The following RHOU variants were observed in gnomAD, a reference collection of about 807,000 sequenced individuals.
The protein encoded by RHOU is rho-related GTP-binding protein RhoU.
RHOU carries 8 observed loss-of-function variants against 12.6 expected under a neutral mutation model. The observed-to-expected ratio is 0.64, with a 90% CI of 0.37 to 1.15. RHOU has a LOEUF of 1.15. RHOU is among the 50% of genes most tolerant of loss of function. The probability of loss-of-function intolerance (pLI) is 0.01; values close to 1 mark genes in which losing one functional copy is unlikely to be tolerated. For synonymous variants in RHOU, 161 were observed against 147.4 expected (o/e 1.09, Z -0.67); for missense variants, 258 against 347.0 (o/e 0.74, Z 2.04).
At chr1:228,687,774 G>T in the RHOU span, 15 of 1,366,380 alleles carry the variant, frequency 1.1e-5, no homozygotes, top group Non-Finnish European at 1.4e-5. Context: ...ATCTGGCTCG[G>T]CGGAATACCT....
At chr1:228,716,364 C>T in the RHOU span, among the ~76,000 whole-genome samples, 1 of 152,160 alleles carries the variant, frequency 6.6e-6, no homozygotes, top group Non-Finnish European at 1.5e-5. Flanking sequence ...TCTTATCTTT[C>T]TCATAATTAA....
At chr1:228,649,984 C>G in the RHOU span, among the ~76,000 whole-genome samples, 1 of 152,196 alleles carries the variant, frequency 6.6e-6, no homozygotes. Context: ...TTATAATAAA[C>G]TTTCATCAGA....
chr1:228,689,999 T>A, the RHOU span, among the ~76,000 whole-genome samples: 66 of 151,696 alleles, frequency 4.4e-4, no homozygotes, highest in African/African-American at 1.6e-3. Context: ...AACCGGAATT[T>A]AAAAAAAATG....
intron 2 of RHOU, among the ~76,000 whole-genome samples, chr1:228,739,330 C>T (rs556730319): frequency 6.6e-6 from 1 of 152,206 alleles, no homozygotes; most frequent in South Asian, 2.1e-4. Context: ...CTTTGGGAGG[C>T]TGAGACGGGT....
At chr1:228,718,441 T>C in the RHOU span, among the ~76,000 whole-genome samples, 31 of 152,248 alleles carry the variant, frequency 2.0e-4, no homozygotes, top group African/African-American at 6.3e-4. Flanking sequence ...AGCAGTTTAA[T>C]TGGGTGGTTC....
the RHOU span, among the ~76,000 whole-genome samples, chr1:228,693,476 T>G: frequency 6.6e-6 from 1 of 152,116 alleles, no homozygotes; most frequent in Non-Finnish European, 1.5e-5. Flanking sequence ...GTTAATAATT[T>G]TTTTTTTTGA....
chr1:228,712,046 A>G, the RHOU span, among the ~76,000 whole-genome samples: 4 of 147,746 alleles, frequency 2.7e-5, no homozygotes, highest in African/African-American at 9.9e-5. Context: ...GCAGCCAAAA[A>G]ACACATGAAA....
Position 228,735,642 on chromosome 1 carries a change from G to A in RHOU, c.-101G>A. 2.1e-6 allele frequency: 2 copies of A among 956,364 alleles called. No homozygotes were observed. Among genetic ancestry groups the A allele is most frequent in the Non-Finnish European group, 2.6e-6 (2 of 760,718 alleles). 59.2% of individuals were successfully genotyped at this position (956,364 alleles called of 1,614,324 possible). ...CTCCAGGGCCGGGGACGCGCCCGCA[G>A]CTGTCGGTGACAGCTCCTCCCTACC... On this transcript the variant is annotated 5_prime_UTR_variant, in exon 1 of 3. Transcript: ENST00000366691. The surrounding 1 kb of genome is among the most constrained non-coding windows in gnomAD (Gnocchi z 8.1).
At chr1:228,734,116 C>T (rs1662546165), upstream of RHOU, among the ~76,000 whole-genome samples, 1 of 152,060 alleles carries the variant, frequency 6.6e-6, no homozygotes, top group Non-Finnish European at 1.5e-5. Flanking sequence ...TTCATGGCCT[C>T]TTCAAAGTCA....
the RHOU span, among the ~76,000 whole-genome samples, chr1:228,715,093 A>AT: frequency 5.9e-4 from 86 of 146,350 alleles, no homozygotes; most frequent in African/African-American, 1.2e-3. Context: ...AACTAGATCT[A>AT]TTTTTTTTTT....
chr1:228,737,637 A>G lies in RHOU; in HGVS notation c.263-36A>G. 6.2e-7 allele frequency: 1 copy of G among 1,606,302 alleles called. No homozygotes were observed. Among genetic ancestry groups the G allele is most frequent in the South Asian group, 1.1e-5 (1 of 90,912 alleles). On this transcript the variant is annotated intron_variant, in intron 1 of 2. Transcript: ENST00000366691. This position sits in a 1 kb window ranked among gnomAD's most constrained non-coding sequence, Gnocchi z 4.1. ...TTAGTATTCCGAAAGGGGTTAAAAG[A>G]CACCTCCTGATTGTCATTTTGGTTT...
chr1:228,736,114 C>G, intron 1 of RHOU, 110 bp downstream of exon 1: 4 of 1,118,940 alleles, frequency 3.6e-6, no homozygotes, highest in Non-Finnish European at 4.9e-6. Context: ...GGGCCCCGGG[C>G]GCGGCTCCAG....
At chr1:228,706,983 C>T in the RHOU span, among the ~76,000 whole-genome samples, 1 of 150,328 alleles carries the variant, frequency 6.7e-6, no homozygotes, top group Non-Finnish European at 1.5e-5. Flanking sequence ...TGCTGTTGAA[C>T]GTGGTGGTGA....
At chr1:228,741,286 TG>T (rs2102718203) in intron 2 of RHOU, among the ~76,000 whole-genome samples, 1 of 152,284 alleles carries the variant, frequency 6.6e-6, no homozygotes, top group Non-Finnish European at 1.5e-5. Flanking sequence ...ACGTGTGTAT[TG>T]CATTATTTCT....
At position 228,743,400 on chromosome 1, in the gene RHOU, A is replaced by G; in HGVS notation, c.437A>G (p.Glu146Gly). ...FQNVSEKWVP[E>G]IRCHCPKAPI... ...AACGTCAGTGAGAAATGGGTGCCGG[A>G]GATTCGATGCCACTGTCCCAAAGCC... Residue 146 changes from glutamate to glycine, a missense_variant, in exon 3 of 3, where the codon GAG becomes GGG. Transcript: ENST00000366691. This position sits in a 1 kb window ranked among gnomAD's most constrained non-coding sequence, Gnocchi z 5.1. The G allele has an allele frequency of 6.2e-7, 1 of 1,614,168 alleles. No individual in the cohort carries two copies. Among genetic ancestry groups the G allele is most frequent in the South Asian group, 1.1e-5 (1 of 91,074 alleles).
chr1:228,725,359 A>T, the RHOU span, among the ~76,000 whole-genome samples: 1 of 152,100 alleles, frequency 6.6e-6, no homozygotes, highest in South Asian at 2.1e-4. Flanking sequence ...AGAGGTACAG[A>T]GGTCTGGGAT....
the RHOU span, among the ~76,000 whole-genome samples, chr1:228,647,659 C>A: frequency 2.0e-5 from 3 of 152,184 alleles, no homozygotes; most frequent in East Asian, 5.8e-4. Flanking sequence ...GCACCGCGAA[C>A]GGCAGGGAAT....
the RHOU span, among the ~76,000 whole-genome samples, chr1:228,688,574 G>A: frequency 6.6e-6 from 1 of 152,168 alleles, no homozygotes; most frequent in Non-Finnish European, 1.5e-5. Context: ...CCCAGTGTGG[G>A]GAATCGTGCC....
the RHOU span, among the ~76,000 whole-genome samples, chr1:228,707,124 A>ATATATATATATATATATATG: frequency 1.3e-5 from 1 of 78,590 alleles, no homozygotes; most frequent in African/African-American, 1.6e-4. Context: ...ATATATATAT[A>ATATATATATATATATATATG]TACATATATA....
Sources: allele counts gnomAD v4.1 joint callset (sites outside exome capture counted in the v4.1 genomes callset), GRCh38; gene constraint gnomAD v4.1.1; non-coding constraint Gnocchi (gnomAD v3.1); transcripts MANE v1.5; gene names NCBI Gene and HGNC (gene_info 2026-07-23, HGNC 2026-07-21).